Variants in DLGAP2 observed in about 807,000 individuals in gnomAD.
DLGAP2 encodes DLG associated protein 2.
In DLGAP2, 26 loss-of-function variants were observed where a neutral mutation model predicts 100.3. The observed-to-expected ratio is 0.26, with a 90% CI of 0.19 to 0.36. The LOEUF is 0.36. DLGAP2 is among the 10% of genes least tolerant of loss of function. The pLI, the probability that DLGAP2 is intolerant of heterozygous loss-of-function variation, is 1.00. For missense variants in DLGAP2, 1,858 were observed against 1,453.2 expected, an observed-to-expected ratio of 1.28 and a Z score of -4.53; for synonymous variants, 886 against 630.1, an observed-to-expected ratio of 1.41 and a Z score of -6.08.
chr8:1,492,718 A>T (rs1250863023), intron 3 of DLGAP2, among the ~76,000 whole-genome samples: 1 of 152,200 alleles, frequency 6.6e-6, no homozygotes, highest in African/African-American at 2.4e-5. Context: ...CCTGACTTCC[A>T]ACCAGGCACC....
intron 2 of DLGAP2, among the ~76,000 whole-genome samples, chr8:923,616 T>G (rs1798757986): frequency 6.6e-6 from 1 of 152,218 alleles, no homozygotes; most frequent in African/African-American, 2.4e-5. Flanking sequence ...GTAGAATTCC[T>G]TGGGAATCAG....
At chr8:1,593,242 C>G (rs932970546) in intron 6 of DLGAP2, among the ~76,000 whole-genome samples, 5 of 152,048 alleles carry the variant, frequency 3.3e-5, no homozygotes, top group Non-Finnish European at 7.4e-5. Context: ...ATCATGAGGT[C>G]AGGAGATTGA....
intron 7 of DLGAP2, among the ~76,000 whole-genome samples, chr8:1,630,637 G>C (rs1361694164): frequency 1.3e-5 from 2 of 151,908 alleles, no homozygotes; most frequent in African/African-American, 4.8e-5. Context: ...GGGAGGTGGA[G>C]CTTGCAGTGA....
chr8:1,584,446 G>A (rs1234174169), intron 6 of DLGAP2, among the ~76,000 whole-genome samples: 2 of 152,150 alleles, frequency 1.3e-5, no homozygotes, highest in Non-Finnish European at 2.9e-5. Flanking sequence ...ATATGCTCCT[G>A]GGGAGGAGGC....
intron 2 of DLGAP2, among the ~76,000 whole-genome samples, chr8:908,761 T>G (rs1798429355): frequency 6.6e-6 from 1 of 152,238 alleles, no homozygotes; most frequent in Non-Finnish European, 1.5e-5. Flanking sequence ...TGAGGGGCTC[T>G]GCAAGCTGAT....
intron 6 of DLGAP2, among the ~76,000 whole-genome samples, chr8:1,582,094 T>C (rs942648974): frequency 7.2e-6 from 1 of 139,556 alleles, no homozygotes; most frequent in African/African-American, 2.8e-5. Context: ...CCCGCACACA[T>C]ACACACCACA....
chr8:912,165 ACCCATG>A (rs1798497992), intron 2 of DLGAP2, among the ~76,000 whole-genome samples: 1 of 152,224 alleles, frequency 6.6e-6, no homozygotes, highest in Non-Finnish European at 1.5e-5. Context: ...AGCAGTAATT[ACCCATG>A]CAAACTTTGA....
intron 1 of DLGAP2, among the ~76,000 whole-genome samples, chr8:768,400 C>T (rs1415178849): frequency 6.6e-6 from 1 of 150,994 alleles, no homozygotes; most frequent in South Asian, 2.1e-4. Flanking sequence ...TCAGCATGAA[C>T]CAGGAGGGAA....
chr8:1,007,832 G>A (rs1018700592), intron 2 of DLGAP2, among the ~76,000 whole-genome samples: 1 of 152,200 alleles, frequency 6.6e-6, no homozygotes, highest in African/African-American at 2.4e-5. Context: ...TTTGTGCCCA[G>A]TAACATAAAA....
chr8:1,666,939 C>G (rs1227730760), intron 8 of DLGAP2, among the ~76,000 whole-genome samples: 2 of 152,166 alleles, frequency 1.3e-5, no homozygotes, highest in Admixed American at 1.3e-4. Flanking sequence ...GGCACCGTGT[C>G]TGGACATCCT....
rs1219587961 is a variant in DLGAP2, at chr8:1,626,877, G to T, written c.1580G>T (p.Cys527Phe). ...GTCAGCACCCTGAGCCAGGCCAGCT[G>T]CGTGAGCCAGGTCAGGGTCCCTTCG... ...RAVSTLSQASCVSQVSEAEIN... is the reference protein window; with the variant it reads ...RAVSTLSQASFVSQVSEAEIN... The change falls in exon 7 of 15, where the codon TGC becomes TTC. Residue 527 changes from cysteine to phenylalanine, a missense_variant. Cys to Phe is a radical substitution (Grantham distance 205). Coordinates refer to ENST00000637795, the MANE Select transcript of DLGAP2 (RefSeq NM_001346810.2). 4 of 1,601,396 alleles carry T rather than the reference G, an allele frequency of 2.5e-6. No homozygotes were observed. The South Asian group carries it at 3.4e-5, about 14-fold the overall frequency.
At chr8:1,498,918 G>T (rs908331558) in intron 3 of DLGAP2, among the ~76,000 whole-genome samples, 2 of 152,146 alleles carry the variant, frequency 1.3e-5, no homozygotes, top group African/African-American at 2.4e-5. Flanking sequence ...AGGCCACACC[G>T]CACTCGGAAA....
chr8:1,638,199 C>G (rs1797814480), intron 8 of DLGAP2, among the ~76,000 whole-genome samples: 1 of 152,144 alleles, frequency 6.6e-6, no homozygotes, highest in Non-Finnish European at 1.5e-5. Context: ...GGACTTGGTG[C>G]TGAACCCTAA....
chr8:1,049,804 A>C (rs565293106), intron 2 of DLGAP2, among the ~76,000 whole-genome samples: 83 of 152,324 alleles, frequency 5.4e-4, no homozygotes, highest in Non-Finnish European at 9.3e-4. Flanking sequence ...AGGCAGTAAC[A>C]GGTGTGCATA....
intron 2 of DLGAP2, among the ~76,000 whole-genome samples, chr8:1,076,574 T>G (rs1439042353): frequency 6.6e-6 from 1 of 152,226 alleles, no homozygotes; most frequent in African/African-American, 2.4e-5. Context: ...GCCCCTCTCT[T>G]GAGCCGCCTT....
chr8:746,534 A>G (rs981880085), intron 1 of DLGAP2, among the ~76,000 whole-genome samples: 3 of 152,202 alleles, frequency 2.0e-5, no homozygotes, highest in African/African-American at 4.8e-5. Context: ...TGTGGGATAG[A>G]GGGCCGTCCA....
intron 2 of DLGAP2, among the ~76,000 whole-genome samples, chr8:1,242,724 A>G (rs9644306): frequency 0.43 from 64,875 of 152,080 alleles, 15,584 homozygotes; most frequent in East Asian, 0.66. Context: ...AGGTGGGTGG[A>G]TGGATGTATG....
intron 1 of DLGAP2, among the ~76,000 whole-genome samples, chr8:745,788 T>C (rs1820603056): frequency 6.6e-6 from 1 of 152,208 alleles, no homozygotes; most frequent in Non-Finnish European, 1.5e-5. Context: ...GTTCATACCA[T>C]ATTAAGTAAA....
intron 3 of DLGAP2, among the ~76,000 whole-genome samples, chr8:1,269,530 C>A (rs148612301): frequency 6.6e-6 from 1 of 152,200 alleles, no homozygotes; most frequent in Non-Finnish European, 1.5e-5. Context: ...ACCCCCTCAA[C>A]CCTGAAACCC....
Sources: allele counts gnomAD v4.1 joint callset (sites outside exome capture counted in the v4.1 genomes callset), GRCh38; gene constraint gnomAD v4.1.1; transcripts MANE v1.5; gene names NCBI Gene and HGNC (gene_info 2026-07-23, HGNC 2026-07-21).